DOCK2: variants seen among roughly 807,000 people sequenced by gnomAD.
DOCK2 encodes the protein dedicator of cytokinesis protein 2.
DOCK2 carries 87 observed loss-of-function variants against 248.9 expected under a neutral mutation model. The ratio of observed to expected loss-of-function variants is 0.35; its 90% CI spans 0.29 to 0.42. DOCK2 has a LOEUF of 0.42. Among genes scored for constraint, DOCK2 ranks in the 10% least tolerant of loss-of-function variants. DOCK2 has a pLI of 1.00. For missense variants in DOCK2, 1,747 were observed against 2,300.2 expected (o/e 0.76, Z 4.92); for synonymous variants, 805 against 821.6 (o/e 0.98, Z 0.35).
intron 9 of DOCK2, among the ~76,000 whole-genome samples, chr5:169,693,906 C>T (rs867194254): frequency 1.3e-5 from 2 of 152,130 alleles, no homozygotes; most frequent in South Asian, 4.1e-4. Flanking sequence ...TGGATGAGGC[C>T]CACGGACATT....
intron 29 of DOCK2, 57 bp downstream of exon 29, chr5:169,985,979 A>C: frequency 2.2e-5 from 33 of 1,475,084 alleles, no homozygotes; most frequent in Non-Finnish European, 2.8e-5. Flanking sequence ...TTCAAAGATC[A>C]CTTATTTTGG....
intron 15 of DOCK2, among the ~76,000 whole-genome samples, chr5:169,711,111 A>G (rs365035): frequency 0.67 from 102,145 of 152,136 alleles, 34,761 homozygotes; most frequent in East Asian, 0.97. Context: ...CCTCAGGCTC[A>G]AGCCTCATTT....
In DOCK2 at chr5:169,932,130, C is replaced by A. The variant is rs569615237; in HGVS notation, c.2800-50938C>A. Among the ~76,000 whole-genome samples, 202 of 152,216 alleles carry A rather than the reference C, an allele frequency of 1.3e-3. 2 individuals carry two copies. In the South Asian group the frequency reaches 0.041, roughly 31 times the overall value. On this transcript the variant is annotated intron_variant, in intron 27 of 51. Transcript: ENST00000520908. ...ACTGCTATATAGTGAGATAAAGTGG[C>A]GTAAGAGCATATGATGGAGGTGACA...
chr5:169,809,246 C>T (rs112608843), intron 26 of DOCK2, among the ~76,000 whole-genome samples: 60 of 152,318 alleles, frequency 3.9e-4, no homozygotes, highest in African/African-American at 1.4e-3. Flanking sequence ...CCACCTCCAC[C>T]TCCCAAAGTG....
At chr5:170,082,133 G>A in intron 51 of DOCK2, 149 bp downstream of exon 51, 1 of 1,128,468 alleles carries the variant, frequency 8.9e-7, no homozygotes, top group Non-Finnish European at 1.2e-6. Flanking sequence ...CTGGGACACT[G>A]TGCAGCAATG....
chr5:169,716,059 G>A (rs1022418098), intron 19 of DOCK2, among the ~76,000 whole-genome samples, 154 bp from the exon 20 acceptor site: 1 of 152,170 alleles, frequency 6.6e-6, no homozygotes, highest in Non-Finnish European at 1.5e-5. Flanking sequence ...TCCAACTTCT[G>A]GCTCTCGTGA....
At chr5:169,823,414 T>C (rs972453765) in intron 26 of DOCK2, among the ~76,000 whole-genome samples, 10 of 152,198 alleles carry the variant, frequency 6.6e-5, no homozygotes, top group South Asian at 2.1e-4. Context: ...TCAAAAAGCT[T>C]ATCCACCGTG....
intron 27 of DOCK2, chr5:169,841,466 C>T: frequency 5.1e-6 from 5 of 985,484 alleles, no homozygotes; most frequent in Non-Finnish European, 6.0e-6. Flanking sequence ...AATTCAAATG[C>T]TTTCAGGGGC....
intron 22 of DOCK2, among the ~76,000 whole-genome samples, chr5:169,730,278 A>G (rs1480753273): frequency 2.0e-5 from 3 of 152,204 alleles, no homozygotes; most frequent in African/African-American, 4.8e-5. Context: ...GATGTGATAG[A>G]TGCAAATGAA....
chr5:169,668,210 GA>G (rs556997289), intron 2 of DOCK2, among the ~76,000 whole-genome samples: 28 of 152,190 alleles, frequency 1.8e-4, no homozygotes, highest in Non-Finnish European at 3.4e-4. Flanking sequence ...AATATATAAA[GA>G]GTGCTTAGAA....
At chr5:169,833,554 A>G (rs537473696) in intron 26 of DOCK2, among the ~76,000 whole-genome samples, 3 of 152,222 alleles carry the variant, frequency 2.0e-5, no homozygotes, top group East Asian at 1.9e-4. Context: ...AAGGAGCTCA[A>G]ATAAGGAGGA....
At chr5:169,783,995 G>GTCTGGGTC (rs1463565217) in intron 25 of DOCK2, among the ~76,000 whole-genome samples, 2 of 152,242 alleles carry the variant, frequency 1.3e-5, no homozygotes, top group Non-Finnish European at 2.9e-5. Context: ...ACCCAGGCAA[G>GTCTGGGTC]TGATGAGGTG....
intron 27 of DOCK2, among the ~76,000 whole-genome samples, chr5:169,952,083 C>T (rs1202551372): frequency 6.6e-6 from 1 of 152,216 alleles, no homozygotes; most frequent in East Asian, 1.9e-4. Flanking sequence ...CCAAGGGTTT[C>T]TCCTACCATT....
At chr5:170,033,952 T>C (rs937517938) in intron 34 of DOCK2, among the ~76,000 whole-genome samples, 4 of 152,240 alleles carry the variant, frequency 2.6e-5, no homozygotes, top group African/African-American at 7.2e-5. Flanking sequence ...GCATTTAAGA[T>C]GGTTCCATCT....
At chr5:170,026,106 G>C (rs1314328780) in intron 33 of DOCK2, among the ~76,000 whole-genome samples, 6 of 151,874 alleles carry the variant, frequency 4.0e-5, no homozygotes, top group Non-Finnish European at 7.4e-5. Flanking sequence ...ACAAGCTTTT[G>C]GTCCCTCCCT....
chr5:170,014,635 GTT>G (rs386694809), intron 32 of DOCK2, among the ~76,000 whole-genome samples: 24 of 130,060 alleles, frequency 1.8e-4, no homozygotes, highest in African/African-American at 6.0e-4. Flanking sequence ...AGAGACATGT[GTT>G]GGGGGGGGTA....
chr5:169,674,447 TA>T lies in DOCK2; in HGVS notation c.470+4del. The T allele has an allele frequency of 6.2e-7, 1 of 1,614,122 alleles. No homozygotes were observed. The highest frequency in any genetic ancestry group is 1.7e-5 in the Admixed American group (1 of 60,018). ...GTCCAAAATTGACTATGGCAACAAG[TA>T]ACCTCTCTTTCCTCTGCAAAGAGGT... is the stretch of plus-strand genomic sequence containing the variant. On this transcript the variant is annotated splice_donor_region_variant and intron_variant, in intron 6 of 51. Coordinates refer to ENST00000520908, the MANE Select transcript of DOCK2 (RefSeq NM_004946.3).
At chr5:169,803,371 G>A (rs1767119265) in intron 26 of DOCK2, among the ~76,000 whole-genome samples, 165 bp downstream of exon 26, 1 of 152,200 alleles carries the variant, frequency 6.6e-6, no homozygotes, top group South Asian at 2.1e-4. Flanking sequence ...TTGCTGTGAA[G>A]GATGGCTAGG....
intron 41 of DOCK2, among the ~76,000 whole-genome samples, chr5:170,053,661 A>G (rs1048626166): frequency 1.3e-5 from 2 of 152,340 alleles, no homozygotes; most frequent in Middle Eastern, 3.4e-3. Context: ...GGTTTTCCTG[A>G]AAATCATAGA....
Sources: allele counts gnomAD v4.1 joint callset (sites outside exome capture counted in the v4.1 genomes callset), GRCh38; gene constraint gnomAD v4.1.1; transcripts MANE v1.5; gene names NCBI Gene and HGNC (gene_info 2026-07-23, HGNC 2026-07-21).